The following SDHD variants were observed in gnomAD, a reference collection of about 807,000 sequenced individuals.
SDHD encodes succinate dehydrogenase [ubiquinone] cytochrome b small subunit, mitochondrial.
Under a neutral mutation model 18.7 loss-of-function variants are expected in SDHD, and 6 were observed. That is an observed-to-expected ratio of 0.32 (90% CI 0.18 to 0.63). The LOEUF is 0.63. Among genes scored for constraint, SDHD ranks in the 30% least tolerant of loss-of-function variants. SDHD has a pLI of 0.79. For missense variants in SDHD, 160 were observed against 192.7 expected (o/e 0.83, Z 1.00); for synonymous variants, 56 against 73.9 (o/e 0.76, Z 1.24).
intron 3 of SDHD, among the ~76,000 whole-genome samples, chr11:112,094,240 A>T (rs1445759588): frequency 1.3e-5 from 2 of 152,230 alleles, no homozygotes; most frequent in East Asian, 3.9e-4. Flanking sequence ...TCTACTAAAA[A>T]TACAAAAATT....
At chr11:112,087,094 A>G in intron 1 of SDHD, 135 bp downstream of exon 1, 1 of 974,714 alleles carries the variant, frequency 1.0e-6, no homozygotes, top group Non-Finnish European at 1.6e-6. Context: ...TGACCACTGT[A>G]GTCTAGGGGT....
chr11:112,095,184 G>C lies in SDHD; in HGVS notation c.*214G>C. 1.7e-6 allele frequency: 1 copy of C among 580,864 alleles called. No homozygotes were observed. The highest frequency in any genetic ancestry group is 1.9e-5 in the South Asian group (1 of 52,340). The allele number at this position is 580,864 out of a possible 1,614,324, so 36.0% of individuals were successfully genotyped here. On this transcript the variant is annotated 3_prime_UTR_variant, in exon 4 of 4. Transcript: ENST00000375549. ...TTGTGAGACTGAGTTCTATATTCTG[G>C]TGAGTTAATGGGGTTGCCTCCCAGC...
chr11:112,095,027 C>A lies in SDHD; in HGVS notation c.*57C>A. Reference sequence around the variant, plus strand: ...GTATGCCTCTTTGCCTCTGCTTTGTCATGCCATTAAGCTCACAATAAGGAA... The same window carrying A: ...GTATGCCTCTTTGCCTCTGCTTTGTAATGCCATTAAGCTCACAATAAGGAA... On this transcript the variant is annotated 3_prime_UTR_variant, in exon 4 of 4. Coordinates refer to ENST00000375549, the MANE Select transcript of SDHD (RefSeq NM_003002.4). The A allele has an allele frequency of 7.0e-7, 1 of 1,428,754 alleles. No individual in the cohort carries two copies. The highest frequency in any genetic ancestry group is 9.9e-7 in the Non-Finnish European group (1 of 1,014,472). 88.5% of individuals were successfully genotyped at this position (1,428,754 alleles called of 1,614,324 possible).
Position 112,095,642 on chromosome 11 carries a change from A to G in SDHD, c.*672A>G, listed in dbSNP as rs992322574. On this transcript the variant is annotated 3_prime_UTR_variant, in exon 4 of 4. Coordinates refer to ENST00000375549, the MANE Select transcript of SDHD (RefSeq NM_003002.4). ...GAGATTTAATTCCCAAATGTATTCTACTTGTTCTAAAACAATCTGTCCACA... is the reference window on the plus strand; with the variant it reads ...GAGATTTAATTCCCAAATGTATTCTGCTTGTTCTAAAACAATCTGTCCACA... 5 of 226,268 alleles carry G rather than the reference A, an allele frequency of 2.2e-5. No homozygotes were observed. The highest frequency in any genetic ancestry group is 3.5e-5 in the Non-Finnish European group (4 of 114,044). The allele number at this position is 226,268 out of a possible 1,614,324, so 14.0% of individuals were successfully genotyped here.
chr11:112,087,947 A>G lies in SDHD; in HGVS notation c.143A>G (p.His48Arg). 6.2e-7 allele frequency: 1 copy of G among 1,611,550 alleles called. No individual in the cohort carries two copies. Among genetic ancestry groups the G allele is most frequent in the Non-Finnish European group, 8.5e-7 (1 of 1,177,648 alleles). ...ATCCCAGAATGGTGTGGAGTGCAGC[A>G]CATACACTTGTCACCGAGCCACCAT... is the stretch of plus-strand genomic sequence containing the variant. ...RPIPEWCGVQ[H>R]IHLSPSHHSG... The change falls in exon 2 of 4, where the codon CAC (histidine) becomes CGC (arginine). Residue 48 changes from histidine to arginine, a missense_variant. His to Arg is a conservative substitution (Grantham distance 29). Transcript: ENST00000375549.
In SDHD at chr11:112,090,299, C is replaced by T. The variant is rs751014532; in HGVS notation, c.314+1288C>T. The stretch of plus-strand genomic sequence containing the variant: ...AATTTTTTTGTATTTTTAGTAGAGA[C>T]GGGGTTTCGCCATTTTGGCCAGGCT... On this transcript the variant is annotated intron_variant, in intron 3 of 3. Coordinates refer to ENST00000375549, the MANE Select transcript of SDHD (RefSeq NM_003002.4). 1.7e-4 allele frequency among the ~76,000 whole-genome samples: 25 copies of T among 150,476 alleles called. No individual in the cohort carries two copies. In the Admixed American group the frequency reaches 1.7e-3, roughly 10 times the overall value.
chr11:112,091,776 A>G (rs1387162290), intron 3 of SDHD, among the ~76,000 whole-genome samples: 1 of 152,126 alleles, frequency 6.6e-6, no homozygotes, highest in Non-Finnish European at 1.5e-5. Flanking sequence ...TTCTTTAAAA[A>G]ATAGTCTGAA....
At chr11:112,090,548 G>C (rs770154155) in intron 3 of SDHD, among the ~76,000 whole-genome samples, 5 of 152,112 alleles carry the variant, frequency 3.3e-5, no homozygotes, top group African/African-American at 4.8e-5. Flanking sequence ...TTGTCATTGT[G>C]GGGGGTAGGG....
At chr11:112,088,287 C>T (rs894206644) in intron 2 of SDHD, 1 of 375,506 alleles carries the variant, frequency 2.7e-6, no homozygotes, top group African/African-American at 2.1e-5. Context: ...GCAACCTCCA[C>T]CTTCTGAGTT....
intron 2 of SDHD, 96 bp from the exon 3 acceptor site, chr11:112,088,771 C>T: frequency 3.8e-6 from 5 of 1,307,682 alleles, no homozygotes; most frequent in South Asian, 2.4e-5. Flanking sequence ...CCTATATGTA[C>T]ACTGCCTGTC....
intron 1 of SDHD, among the ~76,000 whole-genome samples, chr11:112,087,360 G>A (rs920539311): frequency 1.3e-5 from 2 of 152,110 alleles, no homozygotes; most frequent in Non-Finnish European, 2.9e-5. Context: ...GGATCAGTTC[G>A]AAAATCATTT....
chr11:112,089,655 C>A (rs1865708289), intron 3 of SDHD, among the ~76,000 whole-genome samples: 1 of 145,164 alleles, frequency 6.9e-6, no homozygotes, highest in Admixed American at 7.0e-5. Context: ...GCTTCTCTTA[C>A]TGCTTCTGCC....
intron 1 of SDHD, 127 bp from the exon 2 acceptor site, chr11:112,087,730 C>T (rs991385064): frequency 3.9e-6 from 3 of 766,438 alleles, no homozygotes; most frequent in African/African-American, 3.4e-5. Flanking sequence ...TAGATGCTAT[C>T]TTCATTTTAC....
rs11214077 is a variant in SDHD, at chr11:112,087,953, A to G, written c.149A>G (p.His50Arg). 11,829 of 1,609,602 alleles carry G rather than the reference A, an allele frequency of 7.3e-3. 54 individuals carry two copies. The highest frequency in any genetic ancestry group is 0.01 in the Admixed American group (607 of 60,020). ...IPEWCGVQHI[H>R]LSPSHHSGSK... Reference sequence around the variant, plus strand: ...GAATGGTGTGGAGTGCAGCACATACACTTGTCACCGAGCCACCATTGTATG... The same window carrying G: ...GAATGGTGTGGAGTGCAGCACATACGCTTGTCACCGAGCCACCATTGTATG... Residue 50 changes from histidine (H) to arginine (R), a missense_variant, in exon 2 of 4, where the codon CAC (histidine) becomes CGC (arginine). By Grantham distance (29) the His-to-Arg change is conservative. Coordinates refer to ENST00000375549, the MANE Select transcript of SDHD (RefSeq NM_003002.4).
chr11:112,094,542 A>G (rs1049259934), intron 3 of SDHD, among the ~76,000 whole-genome samples: 35 of 152,110 alleles, frequency 2.3e-4, no homozygotes, highest in African/African-American at 7.5e-4. Context: ...GTAGTGAGCT[A>G]TGATCAGGCC....
intron 3 of SDHD, among the ~76,000 whole-genome samples, chr11:112,090,390 C>A (rs571223220): frequency 6.6e-6 from 1 of 152,120 alleles, no homozygotes; most frequent in Non-Finnish European, 1.5e-5. Context: ...GGATTACAGG[C>A]GTGAGCCACC....
At chr11:112,088,785 T>G in intron 2 of SDHD, 82 bp from the exon 3 acceptor site, 1 of 1,465,578 alleles carries the variant, frequency 6.8e-7, no homozygotes, top group Non-Finnish European at 9.5e-7. Flanking sequence ...GCCTGTCAGT[T>G]TGGGTTACTG....
chr11:112,087,035 G>C, intron 1 of SDHD, 76 bp downstream of exon 1: 1 of 1,517,194 alleles, frequency 6.6e-7, no homozygotes, highest in African/African-American at 1.4e-5. Context: ...GGACTCATCT[G>C]CCGGGTGGGA....
rs952278127 is a variant in SDHD, at chr11:112,088,857, C to T, written c.170-10C>T. ...CACATCAACTTTTATGAATCTGGTC[C>T]TTTTTGTAGCTGGCTCCAAGGCTGC... On this transcript the variant is annotated splice_polypyrimidine_tract_variant and intron_variant, in intron 2 of 3. Coordinates refer to ENST00000375549, the MANE Select transcript of SDHD (RefSeq NM_003002.4). The T allele has an allele frequency of 3.1e-6, 5 of 1,611,978 alleles. No homozygotes were observed. The highest frequency in any genetic ancestry group is 3.4e-6 in the Non-Finnish European group (4 of 1,179,850).
Sources: gnomAD v4.1 joint callset for allele counts (sites outside exome capture counted in the v4.1 genomes callset) on GRCh38, gnomAD v4.1.1 for gene constraint, MANE v1.5 for transcripts, NCBI Gene and HGNC (gene_info 2026-07-23, HGNC 2026-07-21) for gene names.